MON2: variants seen among roughly 807,000 people sequenced by gnomAD.
MON2 encodes the protein MON2 regulator of endosome-to-Golgi trafficking.
A neutral mutation model predicts 208.6 loss-of-function variants in MON2; 84 were observed. The observed-to-expected ratio is 0.40, with a 90% CI of 0.34 to 0.48. The LOEUF (loss-of-function observed/expected upper bound fraction) is 0.48, where lower values mean the gene tolerates loss of function less well. Ranked by LOEUF, MON2 falls within the 20% of genes least tolerant of loss-of-function variation. The pLI, the probability that MON2 is intolerant of heterozygous loss-of-function variation, is 0.59. For synonymous variants in MON2, 660 were observed against 694.0 expected (o/e 0.95, Z 0.77); for missense variants, 1,611 against 2,015.4 (o/e 0.80, Z 3.84).
chr12:62,549,322 T>C (rs974275588), intron 22 of MON2, among the ~76,000 whole-genome samples: 1 of 152,078 alleles, frequency 6.6e-6, no homozygotes, highest in African/African-American at 2.4e-5. Context: ...CACATTTCTT[T>C]TAAATGCATA....
rs1337718319 is a variant in MON2 at position 62,520,321 on chromosome 12, T to G, written c.985-4194T>G. ...TCACCACCATATATCAGAAGAGTCT[T>G]AGGTTATAGGGTAGATACAAGTTTT... is the stretch of plus-strand genomic sequence containing the variant. On this transcript the variant is annotated intron_variant, in intron 8 of 34. Transcript: ENST00000393630. 2.0e-5 allele frequency among the ~76,000 whole-genome samples: 3 copies of G among 152,142 alleles called. No homozygotes were observed. In the East Asian group the frequency reaches 5.8e-4, roughly 29 times the overall value.
chr12:62,470,970 AG>A (rs1258727823), intron 1 of MON2, among the ~76,000 whole-genome samples: 2 of 152,136 alleles, frequency 1.3e-5, no homozygotes, highest in African/African-American at 4.8e-5. Flanking sequence ...GTTTTGAAGC[AG>A]TAGTGGACAT....
chr12:62,514,131 A>G (rs61919478), intron 8 of MON2, among the ~76,000 whole-genome samples: 22,320 of 151,916 alleles, frequency 0.15, 1,836 homozygotes, highest in East Asian at 0.27. Flanking sequence ...TCTCCATCTG[A>G]GACCATCTCA....
intron 1 of MON2, among the ~76,000 whole-genome samples, chr12:62,468,662 GTCAA>G (rs934413727): frequency 2.0e-5 from 3 of 152,126 alleles, no homozygotes; most frequent in African/African-American, 7.2e-5. Context: ...ATTTCACATA[GTCAA>G]TAGTCTGTTT....
At chr12:62,512,944 C>T (rs981386874) in intron 8 of MON2, among the ~76,000 whole-genome samples, 2 of 152,208 alleles carry the variant, frequency 1.3e-5, no homozygotes, top group African/African-American at 2.4e-5. Context: ...TGCTTGCACC[C>T]TCTGAAGCTA....
rs775937441 is a variant in MON2, at chr12:62,588,131, A to G, written c.4965A>G (p.Ser1655=). Residue 1655 remains serine (S), a synonymous_variant, in exon 34 of 35, where the codon TCA becomes TCG. Coordinates refer to ENST00000393630, the MANE Select transcript of MON2 (RefSeq NM_015026.3). ...VLKAVSTLID[S]LKKTQPENVD... is the part of the protein sequence containing the mutation. ...AAGCAGTCAGTACTCTTATTGATTCACTTAAGAAAACTCAGCCTGAGAATG... is the reference window on the plus strand; with the variant it reads ...AAGCAGTCAGTACTCTTATTGATTCGCTTAAGAAAACTCAGCCTGAGAATG... 2.2e-5 allele frequency: 35 copies of G among 1,579,320 alleles called. 1 individual carries two copies. In the South Asian group the frequency reaches 3.9e-4, roughly 18 times the overall value.
chr12:62,548,710 T>TA (rs1474738006), intron 22 of MON2, among the ~76,000 whole-genome samples: 4 of 152,136 alleles, frequency 2.6e-5, no homozygotes, highest in African/African-American at 9.7e-5. Flanking sequence ...GTATAATGAA[T>TA]TAATGGGTGT....
intron 8 of MON2, among the ~76,000 whole-genome samples, chr12:62,521,460 A>C (rs943970413): frequency 6.6e-6 from 1 of 152,210 alleles, no homozygotes; most frequent in African/African-American, 2.4e-5. Context: ...AAAATGGCAA[A>C]TAATATATTA....
intron 11 of MON2, among the ~76,000 whole-genome samples, chr12:62,530,527 G>A (rs1374562384): frequency 6.6e-6 from 1 of 152,058 alleles, no homozygotes; most frequent in Admixed American, 6.6e-5. Context: ...CACCGTGTCC[G>A]GCCCAGCATA....
chr12:62,485,529 T>C (rs1306619910), intron 2 of MON2, among the ~76,000 whole-genome samples: 3 of 152,166 alleles, frequency 2.0e-5, no homozygotes, highest in Non-Finnish European at 2.9e-5. Context: ...TTCCCACAGC[T>C]TTTTCCCTGA....
At chr12:62,484,276 A>G in intron 2 of MON2, 43 bp downstream of exon 2, 2 of 1,257,168 alleles carry the variant, frequency 1.6e-6, no homozygotes, top group South Asian at 2.7e-5. Context: ...CAAAAATTTG[A>G]CTAATAGTAA....
chr12:62,582,713 A>G (rs1483857064), intron 32 of MON2, among the ~76,000 whole-genome samples: 1 of 141,816 alleles, frequency 7.1e-6, no homozygotes, highest in African/African-American at 2.5e-5. Flanking sequence ...TAAAGTTTGT[A>G]GTTTTCATTA....
chr12:62,546,618 G>A (rs2073496610), intron 21 of MON2, among the ~76,000 whole-genome samples: 3 of 152,094 alleles, frequency 2.0e-5, no homozygotes, highest in Non-Finnish European at 4.4e-5. Flanking sequence ...GCCGGGCATG[G>A]TGGTGCATGC....
In MON2 at chr12:62,535,487, A is replaced by G. The variant is rs771843342; in HGVS notation, c.1716-38A>G. On this transcript the variant is annotated intron_variant, in intron 13 of 34. Coordinates refer to ENST00000393630, the MANE Select transcript of MON2 (RefSeq NM_015026.3). ...ATCATGCTTTACAATGTAATTAAAA[A>G]TAAGTTAATCAGATTAAATAAAATA... The G allele has an allele frequency of 5.6e-6, 8 of 1,430,134 alleles. No individual in the cohort carries two copies. The South Asian group carries it at 5.7e-5, about 10-fold the overall frequency. 88.6% of individuals were successfully genotyped at this position (1,430,134 alleles called of 1,614,324 possible). A position where few individuals can be genotyped will look rare whatever the true frequency, so the allele number is the denominator to read the frequency against.
chr12:62,475,132 T>G (rs1334029663), intron 1 of MON2, among the ~76,000 whole-genome samples: 1 of 152,200 alleles, frequency 6.6e-6, no homozygotes, highest in Non-Finnish European at 1.5e-5. Context: ...CACCCTCAAA[T>G]CTTCTTCATA....
chr12:62,558,293 T>G (rs1321491095), intron 25 of MON2, among the ~76,000 whole-genome samples: 1 of 152,086 alleles, frequency 6.6e-6, no homozygotes, highest in Admixed American at 6.6e-5. Flanking sequence ...TTAGATTTTT[T>G]TTAAATGAAG....
chr12:62,564,789 C>T (rs574879236), intron 26 of MON2, among the ~76,000 whole-genome samples: 1 of 152,238 alleles, frequency 6.6e-6, no homozygotes, highest in Admixed American at 6.5e-5. Context: ...AACTGTAACA[C>T]ACATGATTAT....
At position 62,523,702 on chromosome 12, in the gene MON2, A is replaced by G. The variant is rs540692823; in HGVS notation, c.985-813A>G. ...TCACTCATTTTGAGATACCCCAGCT[A>G]AAACATCCAATAACTTGCTGTACCT... On this transcript the variant is annotated intron_variant, in intron 8 of 34. Transcript: ENST00000393630. Among the ~76,000 whole-genome samples, 42 of 152,302 alleles carry G rather than the reference A, an allele frequency of 2.8e-4. No homozygotes were observed. The South Asian group carries it at 7.5e-3, about 27-fold the overall frequency.
At chr12:62,507,215 A>T (rs1177176484) in intron 7 of MON2, among the ~76,000 whole-genome samples, 2 of 151,738 alleles carry the variant, frequency 1.3e-5, no homozygotes, top group Non-Finnish European at 2.9e-5. Context: ...TATAACTTAT[A>T]CTCTCTTAGG....
Sources: gnomAD v4.1 joint callset for allele counts (sites outside exome capture counted in the v4.1 genomes callset) on GRCh38, gnomAD v4.1.1 for gene constraint, MANE v1.5 for transcripts, NCBI Gene and HGNC (gene_info 2026-07-23, HGNC 2026-07-21) for gene names.